PCSK2: variants seen among roughly 807,000 people sequenced by gnomAD.
PCSK2 encodes the protein neuroendocrine convertase 2.
PCSK2 carries 14 observed loss-of-function variants against 69.7 expected under a neutral mutation model. The ratio of observed to expected loss-of-function variants is 0.20; its 90% CI spans 0.13 to 0.31. The LOEUF (loss-of-function observed/expected upper bound fraction) is 0.31, where lower values mean the gene tolerates loss of function less well. Ranked by LOEUF, PCSK2 falls within the 10% of genes least tolerant of loss-of-function variation. The pLI is 1.00. For missense variants in PCSK2, 544 were observed against 842.5 expected, an observed-to-expected ratio of 0.65 and a Z score of 4.39; for synonymous variants, 307 against 320.7, an observed-to-expected ratio of 0.96 and a Z score of 0.46.
In PCSK2 at chr20:17,227,389, G is replaced by C. The variant is rs376203208; in HGVS notation, c.84G>C (p.Pro28=). The C allele has an allele frequency of 6.2e-7, 1 of 1,613,902 alleles. No individual in the cohort carries two copies. Among genetic ancestry groups the C allele is most frequent in the Non-Finnish European group, 8.5e-7 (1 of 1,179,874 alleles). ...CVMVFASAER[P]VFTNHFLVEL... is the part of the protein sequence containing the mutation. ...TGGTTTTTGCATCTGCTGAGCGACC[G>C]GTCTTCACGAATCATTTTCTTGTGG... Residue 28 remains proline (P), a synonymous_variant, in exon 1 of 12, where the codon CCG becomes CCC. Transcript: ENST00000262545.
intron 6 of PCSK2, among the ~76,000 whole-genome samples, chr20:17,420,900 G>T (rs146456006): frequency 6.6e-6 from 1 of 152,254 alleles, no homozygotes; most frequent in Non-Finnish European, 1.5e-5. Context: ...CATGGCACAT[G>T]GTAAGCACTC....
At chr20:17,297,391 T>C (rs550052016) in intron 2 of PCSK2, among the ~76,000 whole-genome samples, 2 of 152,332 alleles carry the variant, frequency 1.3e-5, no homozygotes, top group East Asian at 3.9e-4. Context: ...TCAGGTGCTA[T>C]GGTGGAGTTG....
Position 17,442,598 on chromosome 20 carries a change from C to G in PCSK2, c.885+5715C>G, listed in dbSNP as rs114391620. ...TCAGGACCTTGAGAAGTCTCCCTCC[C>G]TCCCTTCTCTGATGTAGCTTCCTCG... On this transcript the variant is annotated intron_variant, in intron 8 of 11. Coordinates refer to ENST00000262545, the MANE Select transcript of PCSK2 (RefSeq NM_002594.5). 2.8e-3 allele frequency among the ~76,000 whole-genome samples: 430 copies of G among 152,294 alleles called. 3 individuals carry two copies. The highest frequency in any genetic ancestry group is 1.0e-2 in the African/African-American group (415 of 41,564).
At chr20:17,386,779 A>G (rs947667781) in intron 5 of PCSK2, among the ~76,000 whole-genome samples, 12 of 152,232 alleles carry the variant, frequency 7.9e-5, no homozygotes, top group Admixed American at 7.9e-4. Context: ...ATTTTATGTT[A>G]CATATTTTTT....
At chr20:17,260,992 C>T (rs1317356269) in intron 2 of PCSK2, among the ~76,000 whole-genome samples, 1 of 152,142 alleles carries the variant, frequency 6.6e-6, no homozygotes, top group Non-Finnish European at 1.5e-5. Flanking sequence ...TTTCTACTCC[C>T]TGTGATGGCT....
intron 2 of PCSK2, among the ~76,000 whole-genome samples, chr20:17,317,120 G>T (rs959771108): frequency 2.0e-5 from 3 of 152,010 alleles, no homozygotes; most frequent in Admixed American, 6.5e-5. Context: ...CCCAACAGAT[G>T]CTCCTGCTAG....
intron 5 of PCSK2, among the ~76,000 whole-genome samples, chr20:17,402,891 A>G (rs1203425674): frequency 6.6e-6 from 1 of 151,984 alleles, no homozygotes; most frequent in Non-Finnish European, 1.5e-5. Flanking sequence ...TGGGAGGCGG[A>G]GCTTGCAGTG....
rs75687883 is a variant in PCSK2 at position 17,363,979 on chromosome 20, T to C, written c.505+3339T>C. On this transcript the variant is annotated intron_variant, in intron 4 of 11. Coordinates refer to ENST00000262545, the MANE Select transcript of PCSK2 (RefSeq NM_002594.5). ...CTAATCCTTTGCTCTGCCTTCCTGG[T>C]GAGACTTTATGAATGGGAGCCTCAT... 5.3e-3 allele frequency among the ~76,000 whole-genome samples: 801 copies of C among 152,242 alleles called. 6 individuals are homozygous for C. Among genetic ancestry groups the C allele is most frequent in the African/African-American group, 0.018 (762 of 41,526 alleles).
At chr20:17,341,629 T>C (rs1228794823) in intron 2 of PCSK2, among the ~76,000 whole-genome samples, 3 of 152,236 alleles carry the variant, frequency 2.0e-5, no homozygotes, top group South Asian at 2.1e-4. Flanking sequence ...TTTTGAATTC[T>C]AGCAGCAGAT....
At chr20:17,393,056 T>A (rs2031424148) in intron 5 of PCSK2, among the ~76,000 whole-genome samples, 1 of 152,278 alleles carries the variant, frequency 6.6e-6, no homozygotes, top group Admixed American at 6.5e-5. Context: ...TCTGTAAATA[T>A]CATTCTTACT....
intron 2 of PCSK2, among the ~76,000 whole-genome samples, chr20:17,335,060 A>G (rs949550670): frequency 5.3e-5 from 8 of 152,208 alleles, no homozygotes; most frequent in African/African-American, 1.4e-4. Context: ...CTGTGTAGCA[A>G]ATTACCCCAG....
intron 5 of PCSK2, among the ~76,000 whole-genome samples, chr20:17,386,198 A>G (rs1014807172): frequency 6.6e-6 from 1 of 152,196 alleles, no homozygotes; most frequent in Non-Finnish European, 1.5e-5. Context: ...ATGTACTACT[A>G]TCAATGGGCT....
At chr20:17,229,002 A>C (rs1986043770) in intron 1 of PCSK2, among the ~76,000 whole-genome samples, 1 of 152,122 alleles carries the variant, frequency 6.6e-6, no homozygotes, top group Non-Finnish European at 1.5e-5. Flanking sequence ...CACCAACACA[A>C]TAAAGAAGCC....
chr20:17,418,152 T>C (rs1377359275), intron 6 of PCSK2, among the ~76,000 whole-genome samples: 1 of 152,212 alleles, frequency 6.6e-6, no homozygotes, highest in Non-Finnish European at 1.5e-5. Flanking sequence ...TTTAAGGCAC[T>C]GTTCTGTGTT....
chr20:17,324,868 G>A (rs1049260338), intron 2 of PCSK2, among the ~76,000 whole-genome samples: 14 of 152,100 alleles, frequency 9.2e-5, no homozygotes, highest in African/African-American at 3.4e-4. Context: ...ATACTGGGTT[G>A]CCAGAAGACA....
chr20:17,412,222 C>T (rs1307315855), intron 6 of PCSK2, among the ~76,000 whole-genome samples: 1 of 152,124 alleles, frequency 6.6e-6, no homozygotes, highest in Non-Finnish European at 1.5e-5. Flanking sequence ...TCAGTAATAA[C>T]AAACTTGTCC....
chr20:17,412,895 G>A (rs1338924663), intron 6 of PCSK2, among the ~76,000 whole-genome samples: 1 of 152,188 alleles, frequency 6.6e-6, no homozygotes, highest in Non-Finnish European at 1.5e-5. Context: ...TTAAAGAAAA[G>A]AATTTTCAAC....
chr20:17,376,582 T>C (rs553811163), intron 5 of PCSK2, among the ~76,000 whole-genome samples: 5 of 152,358 alleles, frequency 3.3e-5, no homozygotes, highest in African/African-American at 1.2e-4. Context: ...CTAGACCTAC[T>C]GAATCAAAAT....
chr20:17,403,520 C>CT (rs1376980627), intron 5 of PCSK2, among the ~76,000 whole-genome samples: 1 of 152,170 alleles, frequency 6.6e-6, no homozygotes, highest in African/African-American at 2.4e-5. Context: ...TACAGATGAG[C>CT]TTTGTTCTGG....
Sources: gnomAD v4.1 joint callset for allele counts (sites outside exome capture counted in the v4.1 genomes callset) on GRCh38, gnomAD v4.1.1 for gene constraint, MANE v1.5 for transcripts, NCBI Gene and HGNC (gene_info 2026-07-23, HGNC 2026-07-21) for gene names.